The following POLR3C variants were observed in gnomAD, a reference collection of about 807,000 sequenced individuals.
The protein encoded by POLR3C is RNA polymerase III subunit C, also known as DNA-directed RNA polymerase III subunit RPC3.
POLR3C carries 44 observed loss-of-function variants against 65.9 expected under a neutral mutation model. The ratio of observed to expected loss-of-function variants is 0.67; its 90% confidence interval spans 0.52 to 0.86. The LOEUF is 0.86. Among genes scored for constraint, POLR3C ranks in the 40% least tolerant of loss-of-function variants. The probability of loss-of-function intolerance (pLI) is 0.00; values close to 1 mark genes in which losing one functional copy is unlikely to be tolerated. For missense variants in POLR3C, 576 were observed against 653.2 expected, an observed-to-expected ratio of 0.88 and a Z score of 1.29; for synonymous variants, 263 against 231.6, an observed-to-expected ratio of 1.14 and a Z score of -1.23.
At chr1:145,827,194 A>G (rs587701568) in intron 4 of POLR3C, among the ~76,000 whole-genome samples, 189 bp downstream of exon 4, 3 of 152,348 alleles carry the variant, frequency 2.0e-5, no homozygotes, top group East Asian at 1.9e-4. Flanking sequence ...TAATCGGAAA[A>G]TCACATCGAT....
At position 145,825,860 on chromosome 1, in the gene POLR3C, G is replaced by C. The variant is rs782667593; in HGVS notation, c.84G>C (p.Leu28=). 2 of 1,613,582 alleles carry C rather than the reference G, an allele frequency of 1.2e-6. No individual in the cohort carries two copies. Among genetic ancestry groups the C allele is most frequent in the South Asian group, 1.1e-5 (1 of 91,068 alleles). ...TTGTAGAAAAAATTGGAGTCCATCTGATAAGAACCGGCAGCCAGCCACTAA... is the reference window on the plus strand; with the variant it reads ...TTGTAGAAAAAATTGGAGTCCATCTCATAAGAACCGGCAGCCAGCCACTAA... The part of the protein sequence containing the change: ...GEIVEKIGVH[L]IRTGSQPLRV... Residue 28 remains leucine (L), a synonymous_variant, in exon 2 of 15, where the codon CTG becomes CTC. Coordinates refer to ENST00000334163, the MANE Select transcript of POLR3C (RefSeq NM_006468.8).
At chr1:145,830,342 A>T (rs1651200845) in intron 5 of POLR3C, among the ~76,000 whole-genome samples, 1 of 152,076 alleles carries the variant, frequency 6.6e-6, no homozygotes, top group Non-Finnish European at 1.5e-5. Flanking sequence ...AGGCTATTGT[A>T]GTAATCCAGA....
rs1553729987 is a variant in POLR3C at position 145,839,990 on chromosome 1, A to G, written c.1322A>G (p.Lys441Arg). 3 of 1,596,650 alleles carry G rather than the reference A, an allele frequency of 1.9e-6. No individual in the cohort carries two copies. Among genetic ancestry groups the G allele is most frequent in the Middle Eastern group, 1.7e-4 (1 of 6,032 alleles). The change falls in exon 12 of 15, where the codon AAG (lysine) becomes AGG (arginine). Residue 441 changes from lysine to arginine, a missense_variant and splice_region_variant. Physicochemically the swap from Lys to Arg is conservative, Grantham distance 26 (BLOSUM62 2). Coordinates refer to ENST00000334163, the MANE Select transcript of POLR3C (RefSeq NM_006468.8). ...AARMLLHRCY[K>R]SIANLIERRQ... ...CGAATGTTGTTGCACAGGTGCTACA[A>G]GGTAACTCAATCTGGACCTTCTCCC...
At chr1:145,826,430 T>G (rs1229639621) in intron 2 of POLR3C, 24 bp from the exon 3 acceptor site, 1 of 1,608,500 alleles carries the variant, frequency 6.2e-7, no homozygotes, top group African/African-American at 1.3e-5. Context: ...TTTCCTCTCT[T>G]TCTTCTCTTT....
chr1:145,833,948 T>C (rs1280403940), intron 7 of POLR3C, among the ~76,000 whole-genome samples: 1 of 152,236 alleles, frequency 6.6e-6, no homozygotes, highest in Non-Finnish European at 1.5e-5. Flanking sequence ...ATTACTTTCA[T>C]AGTAATACAG....
chr1:145,839,814 A>G lies in POLR3C; in HGVS notation c.1222-76A>G, dbSNP rs1245565680. The G allele has an allele frequency of 6.3e-6, 5 of 789,194 alleles. No individual in the cohort carries two copies. In the East Asian group the frequency reaches 9.7e-5, roughly 15 times the overall value. The allele number at this position is 789,194 out of a possible 1,614,324, so 48.9% of individuals were successfully genotyped here. A position where few individuals can be genotyped will look rare whatever the true frequency, so the allele number is the denominator to read the frequency against. ...GTAAAAAGGAGGGCTAAGTAACTCC[A>G]GGTAGAATGAGTGTGTGCTTTGCCA... On this transcript the variant is annotated intron_variant, in intron 11 of 14. Coordinates refer to ENST00000334163, the MANE Select transcript of POLR3C (RefSeq NM_006468.8).
At position 145,840,119 on chromosome 1, in the gene POLR3C, A is replaced by G. The variant is rs782546647; in HGVS notation, c.1327A>G (p.Ile443Val). Residue 443 changes from isoleucine (I) to valine (V), a missense_variant, in exon 13 of 15, where the codon ATA (isoleucine) becomes GTA (valine). Ile to Val is a conservative substitution (Grantham distance 29, BLOSUM62 3). Transcript: ENST00000334163. ...TGTCTGTCTTCTCTTTCCTCAGAGC[A>G]TAGCCAACTTGATAGAAAGGAGGCA... ...RMLLHRCYKS[I>V]ANLIERRQFE... The G allele has an allele frequency of 9.3e-6, 15 of 1,607,510 alleles. No individual in the cohort carries two copies. The African/African-American group carries it at 1.1e-4, about 11-fold the overall frequency.
chr1:145,835,954 T>A (rs1452933009), intron 7 of POLR3C, among the ~76,000 whole-genome samples: 1 of 152,114 alleles, frequency 6.6e-6, no homozygotes, highest in Non-Finnish European at 1.5e-5. Flanking sequence ...TCTGTAGATT[T>A]GTCTCACTCT....
chr1:145,833,478 C>T lies in POLR3C; in HGVS notation c.784-12C>T. 1 of 1,609,024 alleles carries T rather than the reference C, an allele frequency of 6.2e-7. No individual in the cohort carries two copies. The highest frequency in any genetic ancestry group is 1.3e-5 in the African/African-American group (1 of 74,928). ...ACTGTGATTTCTGAATTCTAGTTTA[C>T]TTTTCAAACAGACAAGCAGCGAGAT... On this transcript the variant is annotated splice_polypyrimidine_tract_variant and intron_variant, in intron 6 of 14. Coordinates refer to ENST00000334163, the MANE Select transcript of POLR3C (RefSeq NM_006468.8).
rs1650804466 is a variant in POLR3C at position 145,826,915 on chromosome 1, G to A, written c.499G>A (p.Glu167Lys). 1 of 1,613,332 alleles carries A rather than the reference G, an allele frequency of 6.2e-7. No individual in the cohort carries two copies. Among genetic ancestry groups the A allele is most frequent in the Non-Finnish European group, 8.5e-7 (1 of 1,179,750 alleles). The change falls in exon 4 of 15, where the codon GAG (glutamate) becomes AAG (lysine). Residue 167 changes from glutamate to lysine, a missense_variant. Transcript: ENST00000334163. ...ACGCTGCCCTTCGGTACCTACCACT[G>A]AGAATTCAGACCCTGGGCCACCACC... is the stretch of plus-strand genomic sequence containing the variant. ...VQRCPSVPTT[E>K]NSDPGPPPPA...
At chr1:145,824,652 G>A in intron 1 of POLR3C, 1 of 574,798 alleles carries the variant, frequency 1.7e-6, no homozygotes, top group South Asian at 1.6e-5. Context: ...TTTGTAATAA[G>A]GAAGTAATCA....
chr1:145,836,079 TGAA>T (rs1651797805), intron 7 of POLR3C, among the ~76,000 whole-genome samples: 1 of 152,074 alleles, frequency 6.6e-6, no homozygotes, highest in Non-Finnish European at 1.5e-5. Flanking sequence ...AATCCTGCTG[TGAA>T]TATTTTTGGA....
chr1:145,833,223 C>T, intron 5 of POLR3C, 37 bp from the exon 6 acceptor site: 1 of 1,269,944 alleles, frequency 7.9e-7, no homozygotes, highest in South Asian at 1.3e-5. Context: ...GAAAACTTTA[C>T]ACTATAGCTA....
At chr1:145,840,095 G>T in intron 12 of POLR3C, 21 bp from the exon 13 acceptor site, 2 of 1,599,248 alleles carry the variant, frequency 1.3e-6, no homozygotes, top group Non-Finnish European at 1.7e-6. Flanking sequence ...TGCATTCCTT[G>T]TCTGTCTTCT....
At position 145,826,952 on chromosome 1, in the gene POLR3C, C is replaced by T. The variant is rs1650807935; in HGVS notation, c.536C>T (p.Thr179Ile). The change falls in exon 4 of 15, where the codon ACA (threonine) becomes ATA (isoleucine). Residue 179 changes from threonine to isoleucine, a missense_variant. By Grantham distance (89) the Thr-to-Ile change is moderately conservative (BLOSUM62 -1). Coordinates refer to ENST00000334163, the MANE Select transcript of POLR3C (RefSeq NM_006468.8). ...CCTGGGCCACCACCACCTGCCCCCA[C>T]ACTTGTCATTAATGAAAAGGACATG... is the stretch of plus-strand genomic sequence containing the variant. ...SDPGPPPPAP[T>I]LVINEKDMYL... 6.2e-7 allele frequency: 1 copy of T among 1,612,674 alleles called. No homozygotes were observed. The highest frequency in any genetic ancestry group is 1.3e-5 in the African/African-American group (1 of 74,798).
At position 145,844,030 on chromosome 1, in the gene POLR3C, T is replaced by C. The variant is rs1384577707; in HGVS notation, c.*1610T>C. Among the ~76,000 whole-genome samples, 6 of 152,192 alleles carry C rather than the reference T, an allele frequency of 3.9e-5. No homozygotes were observed. Among genetic ancestry groups the C allele is most frequent in the Non-Finnish European group, 7.3e-5 (5 of 68,036 alleles). On this transcript the variant is annotated 3_prime_UTR_variant, in exon 15 of 15. Transcript: ENST00000334163. ...AAGAAAGAATGAATGCTAGTGAGGA[T>C]GTGGAAAAAGGAGAGCCCTGCCTGG...
rs769280702 is a variant in POLR3C at position 145,842,407 on chromosome 1, T to C, written c.1592T>C (p.Met531Thr). Residue 531 changes from methionine to threonine, a missense_variant, in exon 15 of 15, where the codon ATG becomes ACG. Met to Thr is a moderately conservative substitution (Grantham distance 81). Transcript: ENST00000334163. ...FLLESYIECT[M>T]KRQ is the part of the protein sequence containing the mutation. ...CTGGAGTCTTACATTGAGTGCACCA[T>C]GAAGAGACAGTGATCCAGAAGAAGC... 3.7e-6 allele frequency: 6 copies of C among 1,605,880 alleles called. No individual in the cohort carries two copies. The highest frequency in any genetic ancestry group is 5.1e-6 in the Non-Finnish European group (6 of 1,173,012).
In POLR3C at chr1:145,824,240, T is replaced by C. The variant is rs587668827; in HGVS notation, c.-150T>C. On this transcript the variant is annotated 5_prime_UTR_variant, in exon 1 of 15. Coordinates refer to ENST00000334163, the MANE Select transcript of POLR3C (RefSeq NM_006468.8). ...TTTTGCTTTTCCGCGTCTTCTTCGG[T>C]GGCGATCCGCGTCCTAGAAAGGGCG... 2.5e-4 allele frequency: 68 copies of C among 269,086 alleles called. 3 individuals are homozygous for C. Among genetic ancestry groups the C allele is most frequent in the Middle Eastern group, 2.7e-3 (2 of 744 alleles). The allele number at this position is 269,086 out of a possible 1,614,324, so 16.7% of individuals were successfully genotyped here.
intron 10 of POLR3C, 29 bp from the exon 11 acceptor site, chr1:145,838,027 T>C: frequency 6.2e-7 from 1 of 1,610,328 alleles, no homozygotes; most frequent in East Asian, 2.2e-5. Context: ...TATGTTAGCA[T>C]GCCATTTGCT....
Sources: gnomAD v4.1 joint callset for allele counts (sites outside exome capture counted in the v4.1 genomes callset) on GRCh38, gnomAD v4.1.1 for gene constraint, MANE v1.5 for transcripts, NCBI Gene and HGNC (gene_info 2026-07-23, HGNC 2026-07-21) for gene names.